SPAG17: variants seen among roughly 807,000 people sequenced by gnomAD.
SPAG17 encodes sperm-associated antigen 17.
In SPAG17, 169 loss-of-function variants were observed where a neutral mutation model predicts 273.6. The observed-to-expected ratio is 0.62, with a 90% confidence interval of 0.55 to 0.70. SPAG17 has a LOEUF of 0.70. SPAG17 is among the 30% of genes least tolerant of loss of function. The pLI is 0.00. For synonymous variants in SPAG17, 825 were observed against 873.2 expected (o/e 0.94, Z 0.97); for missense variants, 2,557 against 2,627.8 (o/e 0.97, Z 0.59).
At chr1:118,031,291 T>C (rs1239464001) in intron 25 of SPAG17, among the ~76,000 whole-genome samples, 1 of 150,562 alleles carries the variant, frequency 6.6e-6, no homozygotes, top group East Asian at 2.0e-4. Flanking sequence ...CAAATGAAAC[T>C]GTTTCCATTG....
intron 3 of SPAG17, among the ~76,000 whole-genome samples, chr1:118,136,833 T>TG (rs1553254756): frequency 7.3e-6 from 1 of 137,456 alleles, no homozygotes; most frequent in East Asian, 2.9e-4. Flanking sequence ...GTGTGTGTGT[T>TG]TTTAATGATG....
intron 42 of SPAG17, among the ~76,000 whole-genome samples, chr1:117,982,177 G>A (rs1171938463): frequency 1.3e-5 from 2 of 151,274 alleles, no homozygotes; most frequent in African/African-American, 2.4e-5. Flanking sequence ...TATTGTATGC[G>A]TTCATTATAG....
Position 118,148,658 on chromosome 1 carries a change from G to A in SPAG17, c.315+1885C>T, listed in dbSNP as rs192833566. Among the ~76,000 whole-genome samples the A allele has an allele frequency of 2.8e-4, 42 of 152,248 alleles. No homozygotes were observed. In the East Asian group the frequency reaches 7.5e-3, roughly 27 times the overall value. ...AGAAAAGTTCTCCAAGTCCCCACCC[G>A]ACCCAGAAGCCTAGGCAGCTTCACC... On this transcript the variant is annotated intron_variant, in intron 3 of 48. Coordinates refer to ENST00000336338, the MANE Select transcript of SPAG17 (RefSeq NM_206996.4).
chr1:117,954,115 A>G (rs751166241), intron 48 of SPAG17, 66 bp from the exon 49 acceptor site: 1 of 1,585,440 alleles, frequency 6.3e-7, no homozygotes, highest in Non-Finnish European at 8.6e-7. Context: ...AAGAGAGTAC[A>G]GTAAGTTACA....
At chr1:118,102,034 T>C (rs1656103460) in intron 4 of SPAG17, 108 bp from the exon 5 acceptor site, 1 of 939,478 alleles carries the variant, frequency 1.1e-6, no homozygotes, top group East Asian at 2.4e-5. Context: ...TTGTATACTC[T>C]TTATTTTTTA....
rs892822814 is a variant in SPAG17, at chr1:118,093,025, T to C, written c.1173+131A>G. ...CAAAGCCCCCATCATGTAGCTATCT[T>C]TTATGCCAGTAGGCAGTATGACCTT... On this transcript the variant is annotated intron_variant, in intron 8 of 48. Transcript: ENST00000336338. The C allele has an allele frequency of 3.1e-6, 3 of 960,010 alleles. No homozygotes were observed. In the African/African-American group the frequency reaches 5.0e-5, roughly 16 times the overall value. 59.5% of individuals were successfully genotyped at this position (960,010 alleles called of 1,614,324 possible). A position where few individuals can be genotyped will look rare whatever the true frequency, so the allele number is the denominator to read the frequency against.
intron 4 of SPAG17, among the ~76,000 whole-genome samples, chr1:118,112,370 C>T (rs1656811808): frequency 6.6e-6 from 1 of 151,970 alleles, no homozygotes; most frequent in South Asian, 2.1e-4. Context: ...TTGTTCAGTA[C>T]ATTGCTTTTG....
intron 30 of SPAG17, among the ~76,000 whole-genome samples, chr1:118,011,823 CA>C (rs1011609916): frequency 3.3e-5 from 5 of 151,316 alleles, no homozygotes; most frequent in Non-Finnish European, 7.4e-5. Context: ...TGCTGCTGGT[CA>C]AAAAAAATTT....
At chr1:118,157,027 T>C (rs1048110188) in intron 1 of SPAG17, among the ~76,000 whole-genome samples, 8 of 152,138 alleles carry the variant, frequency 5.3e-5, no homozygotes, top group African/African-American at 1.9e-4. Flanking sequence ...TTGAAGCCGA[T>C]TGCTCATGGC....
intron 45 of SPAG17, 104 bp downstream of exon 45, chr1:117,971,759 A>T: frequency 1.2e-6 from 1 of 863,108 alleles, no homozygotes; most frequent in Non-Finnish European, 1.8e-6. Context: ...TTCAAGGAGT[A>T]ATTACAGTTC....
At chr1:118,016,682 C>T (rs1315864648) in intron 28 of SPAG17, among the ~76,000 whole-genome samples, 7 of 152,190 alleles carry the variant, frequency 4.6e-5, no homozygotes, top group Admixed American at 3.3e-4. Flanking sequence ...TTCTTCAACC[C>T]TGGATCTGGG....
intron 3 of SPAG17, among the ~76,000 whole-genome samples, chr1:118,147,824 G>C (rs1659113536): frequency 6.6e-6 from 1 of 152,134 alleles, no homozygotes. Flanking sequence ...TTGGAAATAT[G>C]CAATGTGGCT....
At chr1:117,997,039 G>C (rs577807522) in intron 32 of SPAG17, among the ~76,000 whole-genome samples, 2 of 152,230 alleles carry the variant, frequency 1.3e-5, no homozygotes, top group East Asian at 3.9e-4. Context: ...ATAGGTTCAA[G>C]AAATTGGGAA....
chr1:118,067,180 T>C (rs1653068551), intron 17 of SPAG17, among the ~76,000 whole-genome samples: 2 of 152,200 alleles, frequency 1.3e-5, no homozygotes, highest in Admixed American at 6.5e-5. Context: ...TGGTAGGTAA[T>C]AATTAAGCAC....
Position 118,073,502 on chromosome 1 carries a change from G to T in SPAG17, c.2385+352C>A, listed in dbSNP as rs1653802205. 2.6e-5 allele frequency among the ~76,000 whole-genome samples: 4 copies of T among 152,156 alleles called. No individual in the cohort carries two copies. In the Middle Eastern group the frequency reaches 0.014, roughly 521 times the overall value. On this transcript the variant is annotated intron_variant, in intron 17 of 48. Transcript: ENST00000336338. ...GAAATGTGGTGAAATTGAGTAGAAT[G>T]GATAAACAATATGGAAAAAAATAAG...
intron 1 of SPAG17, among the ~76,000 whole-genome samples, chr1:118,152,731 T>C: frequency 6.6e-6 from 1 of 152,236 alleles, no homozygotes; most frequent in Non-Finnish European, 1.5e-5. Context: ...CTTTTGTCTC[T>C]AAATTCACCA....
chr1:118,129,743 CTT>C (rs1292064442), intron 3 of SPAG17, among the ~76,000 whole-genome samples: 2 of 147,432 alleles, frequency 1.4e-5, no homozygotes, highest in African/African-American at 2.5e-5. Context: ...TTCTTTCCTT[CTT>C]TGTTTTTTTC....
intron 23 of SPAG17, 123 bp downstream of exon 23, chr1:118,039,169 A>T (rs1649435483): frequency 9.7e-7 from 1 of 1,031,828 alleles, no homozygotes; most frequent in Non-Finnish European, 1.4e-6. Flanking sequence ...CACTATTAAT[A>T]AGAGAGTGTA....
chr1:118,047,451 C>A (rs949432254), intron 20 of SPAG17, among the ~76,000 whole-genome samples: 1 of 152,052 alleles, frequency 6.6e-6, no homozygotes, highest in Non-Finnish European at 1.5e-5. Flanking sequence ...AGGCTCTAGG[C>A]CCACCTCACT....
Sources: gnomAD v4.1 joint callset for allele counts (sites outside exome capture counted in the v4.1 genomes callset) on GRCh38, gnomAD v4.1.1 for gene constraint, MANE v1.5 for transcripts, NCBI Gene and HGNC (gene_info 2026-07-23, HGNC 2026-07-21) for gene names.